The following DST variants were observed in gnomAD, a reference collection of about 807,000 sequenced individuals.
The protein encoded by DST is dystonin.
A neutral mutation model predicts 875.2 loss-of-function variants in DST; 253 were observed. The ratio of observed to expected loss-of-function variants is 0.29; its 90% CI spans 0.26 to 0.32. The LOEUF is 0.32. Among genes scored for constraint, DST ranks in the 10% least tolerant of loss-of-function variants. The probability of loss-of-function intolerance (pLI) is 1.00; values close to 1 mark genes in which losing one functional copy is unlikely to be tolerated. For missense variants in DST, 8,287 were observed against 9,111.6 expected (o/e 0.91, Z 3.68); for synonymous variants, 3,124 against 3,197.1 (o/e 0.98, Z 0.77).
chr6:56,656,110 T>C (rs1239878764), intron 10 of DST, among the ~76,000 whole-genome samples: 2 of 152,250 alleles, frequency 1.3e-5, no homozygotes, highest in Non-Finnish European at 2.9e-5. Flanking sequence ...CACTAATTTC[T>C]ACTGACAAAA....
At chr6:56,822,685 T>G (rs1189929825) in intron 4 of DST, among the ~76,000 whole-genome samples, 1 of 152,066 alleles carries the variant, frequency 6.6e-6, no homozygotes, top group Non-Finnish European at 1.5e-5. Flanking sequence ...TAACATTAAA[T>G]TTCCTGTTAC....
intron 71 of DST, among the ~76,000 whole-genome samples, chr6:56,515,940 G>T (rs902751873): frequency 6.6e-6 from 1 of 151,840 alleles, no homozygotes; most frequent in African/African-American, 2.4e-5. Context: ...ATGGCTTCAA[G>T]ATTAGAAAAC....
At chr6:56,516,348 C>A (rs7755361) in intron 71 of DST, among the ~76,000 whole-genome samples, 102,039 of 151,912 alleles carry the variant, frequency 0.67, 34,572 homozygotes, top group Non-Finnish European at 0.7. Flanking sequence ...ACTCAATAAA[C>A]CACAGAATAA....
At chr6:56,754,101 T>C (rs2099595723) in intron 4 of DST, among the ~76,000 whole-genome samples, 1 of 152,218 alleles carries the variant, frequency 6.6e-6, no homozygotes, top group African/African-American at 2.4e-5. Flanking sequence ...GACTTTCGGT[T>C]TCTTTTAGCA....
intron 2 of DST, among the ~76,000 whole-genome samples, chr6:56,900,875 CAAA>C (rs539371079): frequency 3.1e-5 from 3 of 96,148 alleles, no homozygotes; most frequent in East Asian, 2.9e-4. Flanking sequence ...AAAGCCAGTC[CAAA>C]AAAAAAAAAA....
At chr6:56,799,736 C>T (rs1186895149) in intron 4 of DST, among the ~76,000 whole-genome samples, 1 of 151,970 alleles carries the variant, frequency 6.6e-6, no homozygotes, top group Non-Finnish European at 1.5e-5. Context: ...ATTCTCCTGC[C>T]TCGGCCTTCC....
chr6:56,837,074 A>T (rs2099794661), intron 4 of DST, among the ~76,000 whole-genome samples: 1 of 152,066 alleles, frequency 6.6e-6, no homozygotes, highest in South Asian at 2.1e-4. Flanking sequence ...CAACAAACAG[A>T]CTGATAAGGT....
chr6:56,703,542 A>T, intron 7 of DST, 106 bp downstream of exon 7: 1 of 280,194 alleles, frequency 3.6e-6, no homozygotes, highest in Non-Finnish European at 5.4e-6. Context: ...GGCCCTTTCT[A>T]TGCTTTTCTA....
At chr6:56,584,952 T>G (rs1402600696) in intron 49 of DST, among the ~76,000 whole-genome samples, 2 of 151,702 alleles carry the variant, frequency 1.3e-5, no homozygotes, top group Non-Finnish European at 3.0e-5. Flanking sequence ...GCCCACTTGA[T>G]CATGGTGGAT....
intron 82 of DST, among the ~76,000 whole-genome samples, chr6:56,495,480 T>A (rs1449796933): frequency 6.6e-6 from 1 of 151,988 alleles, no homozygotes; most frequent in Non-Finnish European, 1.5e-5. Context: ...TATATTCTTC[T>A]AAGTTAACAT....
chr6:56,636,918 C>A (rs2098831069), intron 22 of DST, among the ~76,000 whole-genome samples: 1 of 152,068 alleles, frequency 6.6e-6, no homozygotes. Context: ...CCCATCTCCA[C>A]TAAAAAATAC....
chr6:56,703,123 A>G (rs1423181304), intron 7 of DST, among the ~76,000 whole-genome samples: 2 of 152,212 alleles, frequency 1.3e-5, no homozygotes, highest in African/African-American at 4.8e-5. Flanking sequence ...GGATTTTTAA[A>G]TCTCCCTTTT....
chr6:56,589,686 C>T (rs754339155), intron 49 of DST, among the ~76,000 whole-genome samples: 14 of 152,212 alleles, frequency 9.2e-5, no homozygotes, highest in Non-Finnish European at 1.6e-4. Context: ...CTGTTTTCTG[C>T]ACCTCTTATG....
chr6:56,779,050 C>G (rs969517964), intron 4 of DST, among the ~76,000 whole-genome samples: 2 of 151,942 alleles, frequency 1.3e-5, no homozygotes, highest in African/African-American at 4.8e-5. Context: ...CACCTGTTGT[C>G]TCCTGACTTT....
At chr6:56,862,733 T>TG (rs1339682280) in intron 3 of DST, among the ~76,000 whole-genome samples, 4 of 151,898 alleles carry the variant, frequency 2.6e-5, no homozygotes, top group East Asian at 1.9e-4. Flanking sequence ...TCATTGAAAT[T>TG]GGGGGGGAAT....
chr6:56,549,618 C>T (rs576342217), intron 61 of DST, among the ~76,000 whole-genome samples: 3 of 152,190 alleles, frequency 2.0e-5, no homozygotes, highest in Non-Finnish European at 4.4e-5. Flanking sequence ...TCAACATCAT[C>T]ATTATCATCA....
chr6:56,586,804 C>T (rs1296756426), intron 49 of DST, among the ~76,000 whole-genome samples: 1 of 152,218 alleles, frequency 6.6e-6, no homozygotes, highest in African/African-American at 2.4e-5. Flanking sequence ...CAAACAGGGT[C>T]TGGAGTGGAC....
intron 5 of DST, among the ~76,000 whole-genome samples, chr6:56,723,601 T>C (rs997599527): frequency 2.0e-5 from 3 of 152,128 alleles, no homozygotes; most frequent in Non-Finnish European, 4.4e-5. Context: ...TGAGAAAACA[T>C]TTCTGCAATG....
intron 15 of DST, among the ~76,000 whole-genome samples, chr6:56,643,896 G>T (rs1481496961): frequency 6.6e-6 from 1 of 152,144 alleles, no homozygotes; most frequent in Non-Finnish European, 1.5e-5. Context: ...ATTATTATGT[G>T]CAAGAAATTA....
Sources: gnomAD v4.1 joint callset for allele counts (sites outside exome capture counted in the v4.1 genomes callset) on GRCh38, gnomAD v4.1.1 for gene constraint, MANE v1.5 for transcripts, NCBI Gene and HGNC (gene_info 2026-07-23, HGNC 2026-07-21) for gene names.